MAML2: variants seen among roughly 807,000 people sequenced by gnomAD.
MAML2 encodes mastermind-like protein 2.
MAML2 carries 22 observed loss-of-function variants against 96.1 expected under a neutral mutation model. The observed-to-expected ratio is 0.23, with a 90% CI of 0.16 to 0.33. The LOEUF (loss-of-function observed/expected upper bound fraction) is 0.33. Ranked by LOEUF, MAML2 falls within the 10% of genes least tolerant of loss-of-function variation. The pLI, the probability that MAML2 is intolerant of heterozygous loss-of-function variation, is 1.00. For synonymous variants in MAML2, 561 were observed against 521.3 expected, an observed-to-expected ratio of 1.08 and a Z score of -1.04; for missense variants, 1,367 against 1,392.4, an observed-to-expected ratio of 0.98 and a Z score of 0.29.
chr11:96,046,406 A>G (rs1216957096), intron 2 of MAML2, among the ~76,000 whole-genome samples: 1 of 152,042 alleles, frequency 6.6e-6, no homozygotes, highest in Non-Finnish European at 1.5e-5. Flanking sequence ...CTTTGTCAGC[A>G]AAATGTTCTA....
chr11:96,002,916 T>G (rs1310771486), intron 2 of MAML2, among the ~76,000 whole-genome samples: 5 of 122,534 alleles, frequency 4.1e-5, no homozygotes, highest in Non-Finnish European at 6.6e-5. Context: ...AGAAAGATGA[T>G]GGGGATAAGG....
At chr11:96,225,275 G>C (rs1287016706) in intron 1 of MAML2, among the ~76,000 whole-genome samples, 1 of 152,114 alleles carries the variant, frequency 6.6e-6, no homozygotes, top group African/African-American at 2.4e-5. Flanking sequence ...CTTGCTATAG[G>C]GAAGCCAGCC....
chr11:96,271,234 C>T (rs1565268654), intron 1 of MAML2, among the ~76,000 whole-genome samples: 1 of 152,172 alleles, frequency 6.6e-6, no homozygotes, highest in African/African-American at 2.4e-5. Context: ...AGTCAATTCT[C>T]CTAATAAACT....
chr11:96,083,650 T>A (rs1365356190), intron 2 of MAML2, among the ~76,000 whole-genome samples: 1 of 152,168 alleles, frequency 6.6e-6, no homozygotes, highest in Non-Finnish European at 1.5e-5. Flanking sequence ...GATGGGCTCT[T>A]AAAGCCCCAG....
rs575693312 is a variant in MAML2 at position 96,079,731 on chromosome 11, C to A, written c.2139+12161G>T. Reference sequence around the variant, plus strand: ...ACGCCCTTGGTCAGGAAGCGACCATCAGATGAAATGCAACAAAATGAGAGA... The same window carrying A: ...ACGCCCTTGGTCAGGAAGCGACCATAAGATGAAATGCAACAAAATGAGAGA... On this transcript the variant is annotated intron_variant, in intron 2 of 4. Coordinates refer to ENST00000524717, the MANE Select transcript of MAML2 (RefSeq NM_032427.4). Among the ~76,000 whole-genome samples, 9 of 152,268 alleles carry A rather than the reference C, an allele frequency of 5.9e-5. No individual in the cohort carries two copies. In the South Asian group the frequency reaches 1.7e-3, roughly 28 times the overall value.
intron 2 of MAML2, among the ~76,000 whole-genome samples, chr11:96,078,034 C>G (rs1319352889): frequency 1.3e-5 from 2 of 152,140 alleles, no homozygotes; most frequent in Non-Finnish European, 2.9e-5. Flanking sequence ...GATTGTTCCT[C>G]TCTTCTATGA....
intron 1 of MAML2, among the ~76,000 whole-genome samples, chr11:96,309,850 C>A (rs576860825): frequency 1.3e-5 from 2 of 152,138 alleles, no homozygotes; most frequent in South Asian, 4.2e-4. Flanking sequence ...AGATAACATG[C>A]CACCACGCCC....
chr11:96,285,006 A>G (rs773250166), intron 1 of MAML2, among the ~76,000 whole-genome samples: 7 of 152,228 alleles, frequency 4.6e-5, no homozygotes, highest in Non-Finnish European at 1.0e-4. Flanking sequence ...CTATGCAACC[A>G]TATCTCTTGC....
chr11:96,248,878 C>CA (rs753866957), intron 1 of MAML2, among the ~76,000 whole-genome samples: 1 of 152,124 alleles, frequency 6.6e-6, no homozygotes, highest in Non-Finnish European at 1.5e-5. Context: ...CTAGCAGAAG[C>CA]TAATTGTTAA....
At chr11:96,174,897 CT>C (rs1861358671) in intron 1 of MAML2, among the ~76,000 whole-genome samples, 1 of 152,246 alleles carries the variant, frequency 6.6e-6, no homozygotes, top group Non-Finnish European at 1.5e-5. Context: ...GGGACATCTT[CT>C]TGTCTTGGCC....
intron 2 of MAML2, among the ~76,000 whole-genome samples, chr11:96,017,746 G>A (rs1858377097): frequency 6.6e-6 from 1 of 152,016 alleles, no homozygotes; most frequent in Non-Finnish European, 1.5e-5. Context: ...AGTTCTTGAG[G>A]TGGGAGCATG....
intron 1 of MAML2, among the ~76,000 whole-genome samples, chr11:96,334,517 A>T (rs572348996): frequency 3.9e-5 from 6 of 152,296 alleles, no homozygotes; most frequent in Admixed American, 1.3e-4. Context: ...AAGAGTTAAG[A>T]TCTCAGGCTC....
chr11:96,065,757 C>T (rs757616978), intron 2 of MAML2, among the ~76,000 whole-genome samples: 1 of 152,198 alleles, frequency 6.6e-6, no homozygotes, highest in African/African-American at 2.4e-5. Context: ...ATGACGGTCA[C>T]ACAGCTAGGA....
At chr11:96,065,791 C>G (rs896879070) in intron 2 of MAML2, among the ~76,000 whole-genome samples, 1 of 152,132 alleles carries the variant, frequency 6.6e-6, no homozygotes, top group Non-Finnish European at 1.5e-5. Context: ...GGATTTGAAC[C>G]AGAGCCCATC....
chr11:95,999,787 C>A (rs757115354), intron 2 of MAML2, among the ~76,000 whole-genome samples: 12 of 152,110 alleles, frequency 7.9e-5, no homozygotes, highest in Non-Finnish European at 1.2e-4. Flanking sequence ...AGCTAGGCAT[C>A]CGCAATTTGC....
chr11:96,224,885 T>C (rs916050611), intron 1 of MAML2, among the ~76,000 whole-genome samples: 2 of 151,920 alleles, frequency 1.3e-5, no homozygotes, highest in African/African-American at 4.9e-5. Flanking sequence ...GTTACAAGGA[T>C]TTTTGTTTTT....
At chr11:96,066,558 A>G (rs988154353) in intron 2 of MAML2, among the ~76,000 whole-genome samples, 5 of 152,212 alleles carry the variant, frequency 3.3e-5, no homozygotes, top group African/African-American at 1.2e-4. Flanking sequence ...GTTTCCTTGG[A>G]TAAGAGTTTA....
chr11:96,306,183 C>T (rs1399914046), intron 1 of MAML2, among the ~76,000 whole-genome samples: 1 of 152,034 alleles, frequency 6.6e-6, no homozygotes, highest in Non-Finnish European at 1.5e-5. Context: ...GATCACTGCA[C>T]GAGCCCAGGC....
chr11:96,251,412 T>C (rs767574825), intron 1 of MAML2, among the ~76,000 whole-genome samples: 17 of 152,254 alleles, frequency 1.1e-4, no homozygotes, highest in Non-Finnish European at 8.8e-5. Flanking sequence ...TTATGTCTTA[T>C]AACATTTTTT....
Sources: gnomAD v4.1 joint callset for allele counts (sites outside exome capture counted in the v4.1 genomes callset) on GRCh38, gnomAD v4.1.1 for gene constraint, MANE v1.5 for transcripts, NCBI Gene and HGNC (gene_info 2026-07-23, HGNC 2026-07-21) for gene names.